CDH9: variants seen among roughly 807,000 people sequenced by gnomAD.
CDH9 encodes the protein cadherin 9, also known as cadherin-9.
In CDH9, 28 loss-of-function variants were observed where a neutral mutation model predicts 70.9. The ratio of observed to expected loss-of-function variants is 0.40; its 90% CI spans 0.29 to 0.54. The LOEUF (loss-of-function observed/expected upper bound fraction) is 0.54. Ranked by LOEUF, CDH9 falls within the 20% of genes least tolerant of loss-of-function variation. The pLI, the probability that CDH9 is intolerant of heterozygous loss-of-function variation, is 0.59. For missense variants in CDH9, 874 were observed against 984.4 expected (o/e 0.89, Z 1.50); for synonymous variants, 409 against 343.1 (o/e 1.19, Z -2.12).
At chr5:26,881,838 CA>C (rs1368786830) in intron 11 of CDH9, among the ~76,000 whole-genome samples, 2 of 152,060 alleles carry the variant, frequency 1.3e-5, no homozygotes, top group Non-Finnish European at 2.9e-5. Context: ...AATTTACTGT[CA>C]AGACATACTC....
At chr5:26,944,431 G>A (rs1227549441) in intron 2 of CDH9, among the ~76,000 whole-genome samples, 1 of 152,044 alleles carries the variant, frequency 6.6e-6, no homozygotes, top group Non-Finnish European at 1.5e-5. Flanking sequence ...CAAGAGGATC[G>A]CTTGAGTCCA....
At chr5:26,891,457 C>T (rs1333579832) in intron 7 of CDH9, among the ~76,000 whole-genome samples, 1 of 152,042 alleles carries the variant, frequency 6.6e-6, no homozygotes, top group East Asian at 1.9e-4. Flanking sequence ...GTGAGTGGAT[C>T]ATCTGAAGTC....
intron 2 of CDH9, among the ~76,000 whole-genome samples, chr5:26,978,362 C>A (rs991604207): frequency 1.3e-5 from 2 of 151,164 alleles, no homozygotes; most frequent in African/African-American, 4.8e-5. Flanking sequence ...TAAAGGAAAC[C>A]CAGAACTGAA....
intron 7 of CDH9, among the ~76,000 whole-genome samples, chr5:26,891,543 T>C (rs1740660207): frequency 6.6e-6 from 1 of 152,036 alleles, no homozygotes; most frequent in African/African-American, 2.4e-5. Flanking sequence ...CCAGGCATGG[T>C]GGCAGACACC....
chr5:26,885,187 G>A (rs1009799699), intron 11 of CDH9, among the ~76,000 whole-genome samples: 1 of 152,150 alleles, frequency 6.6e-6, no homozygotes, highest in Admixed American at 6.6e-5. Context: ...CTCTATGGTA[G>A]AGTAATCTGT....
chr5:27,017,637 G>T (rs1743068058), intron 1 of CDH9, among the ~76,000 whole-genome samples: 1 of 151,790 alleles, frequency 6.6e-6, no homozygotes, highest in South Asian at 2.1e-4. Flanking sequence ...TTAACTCTCG[G>T]TTATATTTAT....
chr5:26,912,004 G>T (rs905893560), intron 3 of CDH9, among the ~76,000 whole-genome samples: 1 of 151,936 alleles, frequency 6.6e-6, no homozygotes, highest in African/African-American at 2.4e-5. Context: ...ATGGAAATAA[G>T]GGGCAGATAA....
At chr5:26,970,532 C>T (rs1044399266) in intron 2 of CDH9, among the ~76,000 whole-genome samples, 15 of 152,130 alleles carry the variant, frequency 9.9e-5, no homozygotes, top group African/African-American at 3.4e-4. Flanking sequence ...TATATTGTTG[C>T]TTCATGATCA....
intron 2 of CDH9, 149 bp downstream of exon 2, chr5:26,987,957 T>G (rs1742514856): frequency 4.9e-6 from 3 of 616,098 alleles, no homozygotes; most frequent in Admixed American, 3.0e-5. Flanking sequence ...TTCCTTGTTC[T>G]TCCCCACTAA....
chr5:26,920,532 C>A (rs536567268), intron 2 of CDH9, among the ~76,000 whole-genome samples: 1 of 152,060 alleles, frequency 6.6e-6, no homozygotes, highest in Non-Finnish European at 1.5e-5. Context: ...AGACGGTAGC[C>A]AAGCAGTGGT....
At chr5:26,948,834 C>T (rs188871814) in intron 2 of CDH9, among the ~76,000 whole-genome samples, 1 of 152,260 alleles carries the variant, frequency 6.6e-6, no homozygotes, top group Non-Finnish European at 1.5e-5. Context: ...TTTAAGTGAA[C>T]ACGACCTAAG....
intron 1 of CDH9, among the ~76,000 whole-genome samples, chr5:27,024,901 T>C (rs1743196499): frequency 6.6e-6 from 1 of 152,032 alleles, no homozygotes; most frequent in South Asian, 2.1e-4. Context: ...GACATAGAGT[T>C]AGCACGGATC....
intron 9 of CDH9, among the ~76,000 whole-genome samples, chr5:26,889,129 A>G (rs1013932662): frequency 2.6e-5 from 4 of 152,182 alleles, no homozygotes; most frequent in Admixed American, 1.3e-4. Context: ...ATTAAAGATG[A>G]TTCTTAACAT....
intron 2 of CDH9, among the ~76,000 whole-genome samples, chr5:26,984,056 G>GGTAACAGATAAACCAATT (rs1340967848): frequency 6.6e-6 from 1 of 151,970 alleles, no homozygotes; most frequent in Non-Finnish European, 1.5e-5. Flanking sequence ...TGTTGTTTTA[G>GGTAACAGATAAACCAATT]GTAACAGATA....
intron 2 of CDH9, among the ~76,000 whole-genome samples, chr5:26,918,305 C>T (rs1400169549): frequency 6.6e-6 from 1 of 152,148 alleles, no homozygotes; most frequent in Non-Finnish European, 1.5e-5. Flanking sequence ...CTTAGGGAGG[C>T]CTTTCCTGAC....
chr5:27,000,562 C>T (rs1340377606), intron 1 of CDH9, among the ~76,000 whole-genome samples: 1 of 152,130 alleles, frequency 6.6e-6, no homozygotes, highest in Non-Finnish European at 1.5e-5. Context: ...GGAACAACTT[C>T]AGCCACAGTT....
intron 2 of CDH9, among the ~76,000 whole-genome samples, chr5:26,964,746 T>C (rs4478282): frequency 0.7 from 105,806 of 150,496 alleles, 40,769 homozygotes; most frequent in East Asian, 0.99. Flanking sequence ...CTCTTCATTA[T>C]ATTAGATAAT....
In CDH9 at chr5:26,906,006, T is replaced by G; in HGVS notation, c.764A>C (p.Asn255Thr). The G allele has an allele frequency of 6.2e-7, 1 of 1,613,836 alleles. No homozygotes were observed. The highest frequency in any genetic ancestry group is 8.5e-7 in the Non-Finnish European group (1 of 1,179,712). Reference protein sequence around the residue: ...MGGLSGTTTVNITLTDVNNNP... With the variant: ...MGGLSGTTTVTITLTDVNNNP... The stretch of plus-strand genomic sequence containing the variant: ...GTTGTTGACATCTGTCAGCGTGATG[T>G]TCACTGTGGTGGTTCCAGAAAGGCC... Residue 255 changes from asparagine (N) to threonine (T), a missense_variant, in exon 5 of 12, where the codon AAC becomes ACC. By Grantham distance (65) the Asn-to-Thr change is moderately conservative. Transcript: ENST00000231021.
intron 7 of CDH9, among the ~76,000 whole-genome samples, chr5:26,899,489 T>C (rs1039976852): frequency 6.6e-6 from 1 of 152,192 alleles, no homozygotes; most frequent in African/African-American, 2.4e-5. Flanking sequence ...AATGAGGTCA[T>C]GTCCTTTGCC....
Sources: allele counts gnomAD v4.1 joint callset (sites outside exome capture counted in the v4.1 genomes callset), GRCh38; gene constraint gnomAD v4.1.1; transcripts MANE v1.5; gene names NCBI Gene and HGNC (gene_info 2026-07-23, HGNC 2026-07-21).